TCERG1L: variants seen among roughly 807,000 people sequenced by gnomAD.
TCERG1L encodes the protein transcription elongation regulator 1-like protein.
A neutral mutation model predicts 56.3 loss-of-function variants in TCERG1L; 37 were observed. The ratio of observed to expected loss-of-function variants is 0.66; its 90% CI spans 0.51 to 0.87. TCERG1L has a LOEUF of 0.87. Among genes scored for constraint, TCERG1L ranks in the 40% least tolerant of loss-of-function variants. The probability of loss-of-function intolerance (pLI) is 0.00; values close to 1 mark genes in which losing one functional copy is unlikely to be tolerated. For missense variants in TCERG1L, 799 were observed against 774.2 expected (o/e 1.03, Z -0.38); for synonymous variants, 324 against 326.3 (o/e 0.99, Z 0.08).
At chr10:131,138,395 C>CA (rs1248732529) in intron 7 of TCERG1L, among the ~76,000 whole-genome samples, 1 of 152,200 alleles carries the variant, frequency 6.6e-6, no homozygotes, top group African/African-American at 2.4e-5. Context: ...ATACAGGCTT[C>CA]AGGGGCATCA....
At chr10:131,093,807 A>G (rs1349360282) in intron 11 of TCERG1L, among the ~76,000 whole-genome samples, 1 of 152,052 alleles carries the variant, frequency 6.6e-6, no homozygotes, top group Admixed American at 6.6e-5. Flanking sequence ...AACTCGCCCT[A>G]TCTAGAGGCT....
chr10:131,133,398 T>C (rs1301341076), intron 8 of TCERG1L, among the ~76,000 whole-genome samples: 2 of 152,224 alleles, frequency 1.3e-5, no homozygotes, highest in Non-Finnish European at 2.9e-5. Flanking sequence ...TGGGTTCCTG[T>C]TGCAGGCCTA....
chr10:131,260,514 C>T lies in TCERG1L; in HGVS notation c.671-70G>A. 3 of 1,317,628 alleles carry T rather than the reference C, an allele frequency of 2.3e-6. No individual in the cohort carries two copies. The allele number at this position is 1,317,628 out of a possible 1,614,324, so 81.6% of individuals were successfully genotyped here. A position where few individuals can be genotyped will look rare whatever the true frequency, so the allele number is the denominator to read the frequency against. Reference sequence around the variant, plus strand: ...CCATGGGTGACAGATGCCCATCTCGCTACCGCAAGATATCAGCCCCCAGAA... The same window carrying T: ...CCATGGGTGACAGATGCCCATCTCGTTACCGCAAGATATCAGCCCCCAGAA... On this transcript the variant is annotated intron_variant, in intron 3 of 11. Transcript: ENST00000368642. The surrounding 1 kb of genome is among the most constrained non-coding windows in gnomAD (Gnocchi z 5.8).
At chr10:131,257,632 T>C (rs1473783761) in intron 4 of TCERG1L, among the ~76,000 whole-genome samples, 5 of 152,156 alleles carry the variant, frequency 3.3e-5, no homozygotes, top group African/African-American at 9.7e-5. Context: ...CTACCTATAC[T>C]TTGGGCCAGA....
At chr10:131,182,209 T>C (rs1845187642) in intron 4 of TCERG1L, among the ~76,000 whole-genome samples, 1 of 152,134 alleles carries the variant, frequency 6.6e-6, no homozygotes, top group African/African-American at 2.4e-5. Flanking sequence ...GCCGTGTGAG[T>C]GGGCATGGGA....
intron 4 of TCERG1L, among the ~76,000 whole-genome samples, chr10:131,230,487 A>G (rs1264876159): frequency 6.6e-6 from 1 of 152,206 alleles, no homozygotes; most frequent in African/African-American, 2.4e-5. Context: ...GTCCCAGCAC[A>G]CTGAGGGACG....
In TCERG1L at chr10:131,311,245, G is replaced by A. The variant is rs918239908; in HGVS notation, c.342+49C>T. ...GCCGGGCCGGGCAGGGCGCGCCCAG[G>A]AGCAGGGGAGACGGCGACCCGGGCC... On this transcript the variant is annotated intron_variant, in intron 1 of 11. Transcript: ENST00000368642. This position sits in a 1 kb window ranked among gnomAD's most constrained non-coding sequence, Gnocchi z 4.0. 83 of 1,188,384 alleles carry A rather than the reference G, an allele frequency of 7.0e-5. No homozygotes were observed. Among genetic ancestry groups the A allele is most frequent in the Non-Finnish European group, 8.5e-5 (81 of 958,016 alleles). The allele number at this position is 1,188,384 out of a possible 1,614,324, so 73.6% of individuals were successfully genotyped here.
chr10:131,193,755 A>T (rs772604035), intron 4 of TCERG1L, among the ~76,000 whole-genome samples: 1 of 152,162 alleles, frequency 6.6e-6, no homozygotes. Flanking sequence ...TTGTCATGTA[A>T]TTTGAAGTCA....
intron 9 of TCERG1L, among the ~76,000 whole-genome samples, chr10:131,115,034 C>T (rs143563703): frequency 1.4e-4 from 22 of 152,352 alleles, no homozygotes; most frequent in Admixed American, 2.6e-4. Flanking sequence ...ACAAAACGGC[C>T]TCTCCTGCCT....
chr10:131,137,964 G>A (rs576844956), intron 7 of TCERG1L, among the ~76,000 whole-genome samples: 1 of 152,106 alleles, frequency 6.6e-6, no homozygotes, highest in Non-Finnish European at 1.5e-5. Context: ...AACAGCTAGG[G>A]CTGGTGTAAC....
At chr10:131,288,083 G>T (rs1846565315) in intron 3 of TCERG1L, among the ~76,000 whole-genome samples, 1 of 152,106 alleles carries the variant, frequency 6.6e-6, no homozygotes, top group South Asian at 2.1e-4. Context: ...TCTGGAACTG[G>T]GGACCTGTGA....
chr10:131,093,080 C>T lies in TCERG1L; in HGVS notation c.*82G>A. 20 of 1,506,546 alleles carry T rather than the reference C, an allele frequency of 1.3e-5. No individual in the cohort carries two copies. The highest frequency in any genetic ancestry group is 2.3e-5 in the East Asian group (1 of 43,802). The allele number at this position is 1,506,546 out of a possible 1,614,324, so 93.3% of individuals were successfully genotyped here. A position where few individuals can be genotyped will look rare whatever the true frequency, so the allele number is the denominator to read the frequency against. ...CCGTGCAGGTCTCGGCCGCCCCACG[C>T]CCGTGTCCGTCTCCACCGTGACCCC... is the stretch of plus-strand genomic sequence containing the variant. On this transcript the variant is annotated 3_prime_UTR_variant, in exon 12 of 12. Coordinates refer to ENST00000368642, the MANE Select transcript of TCERG1L (RefSeq NM_174937.4).
At chr10:131,304,652 G>A (rs1184124838) in intron 3 of TCERG1L, among the ~76,000 whole-genome samples, 1 of 152,068 alleles carries the variant, frequency 6.6e-6, no homozygotes, top group East Asian at 1.9e-4. Context: ...ACAATGATCA[G>A]GAAGAATTTC....
At chr10:131,095,856 C>T (rs1377521612) in intron 11 of TCERG1L, 4 of 152,236 alleles carry the variant, frequency 2.6e-5, no homozygotes, top group Admixed American at 6.5e-5. Flanking sequence ...CTTCTGTGTG[C>T]GTGTATGTGT....
At chr10:131,215,805 G>A (rs1236513666) in intron 4 of TCERG1L, among the ~76,000 whole-genome samples, 1 of 152,188 alleles carries the variant, frequency 6.6e-6, no homozygotes, top group African/African-American at 2.4e-5. Flanking sequence ...CCACAGAGAA[G>A]GACAAACTGA....
At chr10:131,247,231 C>T (rs1020446737) in intron 4 of TCERG1L, among the ~76,000 whole-genome samples, 4 of 152,214 alleles carry the variant, frequency 2.6e-5, no homozygotes, top group African/African-American at 9.6e-5. Context: ...CTCAAAGGTA[C>T]CCTGTGCTGG....
At chr10:131,242,730 G>T (rs1845987157) in intron 4 of TCERG1L, among the ~76,000 whole-genome samples, 1 of 152,192 alleles carries the variant, frequency 6.6e-6, no homozygotes, top group African/African-American at 2.4e-5. Flanking sequence ...CTTTTTGAGT[G>T]ACAGCAGGAT....
intron 4 of TCERG1L, among the ~76,000 whole-genome samples, chr10:131,210,286 G>C (rs554526908): frequency 6.6e-6 from 1 of 152,322 alleles, no homozygotes; most frequent in African/African-American, 2.4e-5. Flanking sequence ...GACAGTGTCA[G>C]CTCAAGGACC....
chr10:131,184,328 T>C (rs1026706013), intron 4 of TCERG1L, among the ~76,000 whole-genome samples: 5 of 152,224 alleles, frequency 3.3e-5, no homozygotes, highest in African/African-American at 7.2e-5. Flanking sequence ...AACTGTGTGA[T>C]TGATACAAAA....
Sources: gnomAD v4.1 joint callset for allele counts (sites outside exome capture counted in the v4.1 genomes callset) on GRCh38, gnomAD v4.1.1 for gene constraint, Gnocchi (gnomAD v3.1) non-coding constraint, MANE v1.5 for transcripts, NCBI Gene and HGNC (gene_info 2026-07-23, HGNC 2026-07-21) for gene names.